The following CNGB3 variants were observed in gnomAD, a reference collection of about 807,000 sequenced individuals.
CNGB3 encodes the protein cyclic nucleotide-gated channel beta-3.
A neutral mutation model predicts 92.8 loss-of-function variants in CNGB3; 86 were observed. That is an observed-to-expected ratio of 0.93 (90% CI 0.78 to 1.11). The LOEUF is 1.11. CNGB3 is among the 50% of genes least tolerant of loss of function. The probability of loss-of-function intolerance (pLI) is 0.00; values close to 1 mark genes in which losing one functional copy is unlikely to be tolerated. For synonymous variants in CNGB3, 333 were observed against 332.7 expected (o/e 1.00, Z -0.01); for missense variants, 1,026 against 956.8 (o/e 1.07, Z -0.95).
Position 86,621,249 on chromosome 8 carries a change from G to A in CNGB3, c.1578+4734C>T, listed in dbSNP as rs1441046985. 2.6e-5 allele frequency among the ~76,000 whole-genome samples: 4 copies of A among 152,102 alleles called. No homozygotes were observed. In the South Asian group the frequency reaches 6.2e-4, roughly 24 times the overall value. ...ATTAAGTTCGTCATTCAGGTATAAC[G>A]AGTTTTATAATATTTTAAAACACTG... On this transcript the variant is annotated intron_variant, in intron 13 of 17. Coordinates refer to ENST00000320005, the MANE Select transcript of CNGB3 (RefSeq NM_019098.5).
intron 6 of CNGB3, chr8:86,659,292 C>A: frequency 2.0e-6 from 2 of 1,016,894 alleles, no homozygotes; most frequent in South Asian, 1.3e-5. Flanking sequence ...CATAACCTGC[C>A]CCAGGTGTGC....
rs774491892 is a variant in CNGB3 at position 86,647,811 on chromosome 8, C to T, written c.980G>A (p.Arg327Lys). The T allele has an allele frequency of 1.3e-6, 2 of 1,511,584 alleles. No homozygotes were observed. The allele number at this position is 1,511,584 out of a possible 1,614,324, so 93.6% of individuals were successfully genotyped here. Residue 327 changes from arginine (R) to lysine (K), a missense_variant, in exon 8 of 18, where the codon AGG becomes AAG. Arg to Lys is a conservative substitution (Grantham distance 26). Transcript: ENST00000320005. ...ATATAGTTATCTTACCTTTAACATC[C>T]TATTTGCTCTAAACATTGGATTAAA... is the stretch of plus-strand genomic sequence containing the variant. Reference protein sequence around the residue: ...FGFNPMFRANRMLKYTSFFEF... With the variant: ...FGFNPMFRANKMLKYTSFFEF...
intron 8 of CNGB3, among the ~76,000 whole-genome samples, chr8:86,645,950 A>G (rs1385989785): frequency 6.6e-6 from 1 of 151,234 alleles, no homozygotes; most frequent in Non-Finnish European, 1.5e-5. Flanking sequence ...AATAAGTTAT[A>G]TGAATGGACT....
At chr8:86,582,095 T>C (rs1304248430) in intron 15 of CNGB3, among the ~76,000 whole-genome samples, 1 of 97,642 alleles carries the variant, frequency 1.0e-5, no homozygotes, top group Admixed American at 1.3e-4. Context: ...ATGACACAGA[T>C]ATTGGAGTTA....
intron 15 of CNGB3, among the ~76,000 whole-genome samples, chr8:86,595,967 G>A (rs1822164082): frequency 1.3e-5 from 2 of 152,152 alleles, no homozygotes; most frequent in Admixed American, 6.5e-5. Context: ...GCATTTAAAT[G>A]TTTTGAATGG....
At chr8:86,735,060 T>TTTTGTATGGTA (rs1825223791) in intron 2 of CNGB3, among the ~76,000 whole-genome samples, 1 of 146,444 alleles carries the variant, frequency 6.8e-6, no homozygotes, top group Non-Finnish European at 1.5e-5. Context: ...TTTTTTTTTT[T>TTTTGTATGGTA]TTTTTTTTTT....
At chr8:86,678,905 A>G (rs1472503685) in intron 3 of CNGB3, among the ~76,000 whole-genome samples, 5 of 152,222 alleles carry the variant, frequency 3.3e-5, no homozygotes, top group Non-Finnish European at 5.9e-5. Context: ...ACATATCAGC[A>G]TAAACATAGT....
chr8:86,617,315 T>G (rs1021664248), intron 13 of CNGB3, among the ~76,000 whole-genome samples: 1 of 152,234 alleles, frequency 6.6e-6, no homozygotes, highest in Admixed American at 6.5e-5. Context: ...GAACTTAAGA[T>G]AGCATCAGTA....
At position 86,661,842 on chromosome 8, in the gene CNGB3, G is replaced by T; in HGVS notation, c.852+5083C>A. 11 of 1,397,016 alleles carry T rather than the reference G, an allele frequency of 7.9e-6. No individual in the cohort carries two copies. The South Asian group carries it at 1.2e-4, about 15-fold the overall frequency. The allele number at this position is 1,397,016 out of a possible 1,614,324, so 86.5% of individuals were successfully genotyped here. On this transcript the variant is annotated intron_variant, in intron 6 of 17. Transcript: ENST00000320005. ...GTAATTGTTGTTCTCAGTATCTTCT[G>T]GACGTTCCAGAACTGATGTCAGATT...
At chr8:86,624,318 C>T (rs577979681) in intron 13 of CNGB3, among the ~76,000 whole-genome samples, 2 of 152,278 alleles carry the variant, frequency 1.3e-5, no homozygotes, top group East Asian at 3.9e-4. Context: ...ACTTGGGAGG[C>T]TGAGGCAGGA....
intron 15 of CNGB3, among the ~76,000 whole-genome samples, chr8:86,585,684 G>A (rs1821877216): frequency 6.6e-6 from 1 of 152,166 alleles, no homozygotes. Context: ...AATGGATCCA[G>A]AGTTGGCTTA....
chr8:86,723,951 T>C (rs1344562814), intron 3 of CNGB3, among the ~76,000 whole-genome samples: 1 of 152,134 alleles, frequency 6.6e-6, no homozygotes, highest in East Asian at 1.9e-4. Flanking sequence ...ACACCACATG[T>C]TCTCACTTAC....
chr8:86,582,238 A>G (rs1225902185), intron 15 of CNGB3, among the ~76,000 whole-genome samples: 2 of 152,116 alleles, frequency 1.3e-5, no homozygotes, highest in Non-Finnish European at 2.9e-5. Context: ...CACTAAAAAT[A>G]TAAAAATTTA....
chr8:86,642,433 C>G (rs1823207618), intron 10 of CNGB3, among the ~76,000 whole-genome samples: 1 of 151,662 alleles, frequency 6.6e-6, no homozygotes, highest in South Asian at 2.1e-4. Context: ...GTTTCCCAAT[C>G]AGTGGTCCTT....
intron 10 of CNGB3, among the ~76,000 whole-genome samples, chr8:86,636,546 CG>C (rs1256910425): frequency 3.5e-5 from 4 of 113,186 alleles, no homozygotes; most frequent in Non-Finnish European, 4.9e-5. Flanking sequence ...GCACTCTAGC[CG>C]GGGTGACAGA....
chr8:86,688,479 A>G (rs1824231987), intron 3 of CNGB3, among the ~76,000 whole-genome samples: 1 of 152,056 alleles, frequency 6.6e-6, no homozygotes. Context: ...TCTTTGTCAG[A>G]GTTCCTTTCA....
chr8:86,660,490 G>A (rs2131609251), intron 6 of CNGB3: 1 of 526,220 alleles, frequency 1.9e-6, no homozygotes, highest in South Asian at 1.4e-5. Flanking sequence ...GGGAAAGGAA[G>A]CATGGCCAGG....
chr8:86,731,974 A>C (rs2131676604), intron 2 of CNGB3, among the ~76,000 whole-genome samples: 1 of 152,340 alleles, frequency 6.6e-6, no homozygotes, highest in South Asian at 2.1e-4. Context: ...ATTTTCCATA[A>C]GTCAGCTATA....
At chr8:86,618,074 T>C (rs1822651406) in intron 13 of CNGB3, among the ~76,000 whole-genome samples, 2 of 152,174 alleles carry the variant, frequency 1.3e-5, no homozygotes. Flanking sequence ...ATAAGGCAAG[T>C]GCAACCTAGA....
Sources: gnomAD v4.1 joint callset for allele counts (sites outside exome capture counted in the v4.1 genomes callset) on GRCh38, gnomAD v4.1.1 for gene constraint, MANE v1.5 for transcripts, NCBI Gene and HGNC (gene_info 2026-07-23, HGNC 2026-07-21) for gene names.